SORCS1: variants seen among roughly 807,000 people sequenced by gnomAD.
SORCS1 encodes sortilin related VPS10 domain containing receptor 1.
Under a neutral mutation model 146.1 loss-of-function variants are expected in SORCS1, and 60 were observed. The observed-to-expected ratio is 0.41, with a 90% CI of 0.33 to 0.51. The LOEUF is 0.51. SORCS1 is among the 20% of genes least tolerant of loss of function. SORCS1 has a pLI of 0.21. For missense variants in SORCS1, 1,352 were observed against 1,487.6 expected (o/e 0.91, Z 1.50); for synonymous variants, 637 against 584.0 (o/e 1.09, Z -1.31).
intron 1 of SORCS1, among the ~76,000 whole-genome samples, chr10:107,138,779 T>C (rs1015738491): frequency 3.9e-5 from 6 of 152,204 alleles, no homozygotes; most frequent in African/African-American, 1.4e-4. Flanking sequence ...AAAATGTATG[T>C]GCCAGGCCCC....
intron 1 of SORCS1, among the ~76,000 whole-genome samples, chr10:106,999,731 T>C (rs1163998469): frequency 6.6e-6 from 1 of 152,218 alleles, no homozygotes; most frequent in South Asian, 2.1e-4. Flanking sequence ...CTCCAGATTA[T>C]ACCTCCTTAA....
chr10:106,844,781 T>A (rs1482410285), intron 2 of SORCS1, among the ~76,000 whole-genome samples: 1 of 132,498 alleles, frequency 7.5e-6, no homozygotes, highest in Non-Finnish European at 1.6e-5. Flanking sequence ...CCTTCCTGTG[T>A]CCATGTGATC....
intron 22 of SORCS1, among the ~76,000 whole-genome samples, chr10:106,611,553 A>T (rs935246589): frequency 1.3e-5 from 2 of 152,222 alleles, no homozygotes; most frequent in African/African-American, 4.8e-5. Flanking sequence ...CTTCACTGGC[A>T]GGTACAGTAG....
Position 106,633,495 on chromosome 10 carries a change from C to A in SORCS1, c.2476-4107G>T, listed in dbSNP as rs535896879. ...CTCTTGTAGCTACCATTCTACTCTC[C>A]TATTCTGTAAGATCAACTTAATGAT... On this transcript the variant is annotated intron_variant, in intron 18 of 25. Transcript: ENST00000263054. 1.1e-3 allele frequency among the ~76,000 whole-genome samples: 164 copies of A among 152,246 alleles called. No individual in the cohort carries two copies. The Middle Eastern group carries it at 0.014, about 13-fold the overall frequency.
chr10:106,949,304 T>C (rs1366602550), intron 2 of SORCS1, among the ~76,000 whole-genome samples: 1 of 152,138 alleles, frequency 6.6e-6, no homozygotes, highest in Admixed American at 6.5e-5. Context: ...CTGGATTTGG[T>C]AGCAAAACAT....
intron 3 of SORCS1, among the ~76,000 whole-genome samples, chr10:106,828,360 G>C (rs1216313049): frequency 1.3e-5 from 2 of 152,164 alleles, no homozygotes; most frequent in East Asian, 3.8e-4. Context: ...GGGAGCTTTA[G>C]TAAGATATAG....
intron 18 of SORCS1, among the ~76,000 whole-genome samples, chr10:106,637,265 T>A (rs1371712772): frequency 6.6e-6 from 1 of 152,228 alleles, no homozygotes; most frequent in East Asian, 1.9e-4. Context: ...CCTCTCTGGC[T>A]TCTCTTCCAA....
intron 2 of SORCS1, among the ~76,000 whole-genome samples, chr10:106,876,218 G>A (rs1157622687): frequency 1.3e-5 from 2 of 151,996 alleles, no homozygotes; most frequent in South Asian, 2.1e-4. Context: ...TTGAGGGCGC[G>A]GTTTTTATAA....
At chr10:107,164,924 C>CGCT (rs1969997813), upstream of SORCS1, among the ~76,000 whole-genome samples, 3 of 149,106 alleles carry the variant, frequency 2.0e-5, no homozygotes, top group South Asian at 2.1e-4. The surrounding 1 kb of genome is among the most constrained non-coding windows in gnomAD (Gnocchi z 6.8). Flanking sequence ...GCCTCGCAGG[C>CGCT]GCTGCCGCCG....
intron 2 of SORCS1, among the ~76,000 whole-genome samples, chr10:106,838,309 C>A (rs940083233): frequency 6.6e-6 from 1 of 152,090 alleles, no homozygotes; most frequent in African/African-American, 2.4e-5. Context: ...AGGTCCACAG[C>A]AAAACAGAGT....
chr10:107,154,195 GT>G (rs1189360857), intron 1 of SORCS1, among the ~76,000 whole-genome samples: 8 of 151,780 alleles, frequency 5.3e-5, no homozygotes, highest in African/African-American at 1.7e-4. Context: ...TAGAGATGGG[GT>G]TTCTCCATGT....
chr10:107,114,473 G>A (rs973449618), intron 1 of SORCS1, among the ~76,000 whole-genome samples: 1 of 152,122 alleles, frequency 6.6e-6, no homozygotes, highest in Admixed American at 6.5e-5. Flanking sequence ...ATCAATAAAT[G>A]TGATGCACTA....
intron 2 of SORCS1, among the ~76,000 whole-genome samples, chr10:106,938,550 C>T (rs1953869792): frequency 1.3e-5 from 2 of 152,236 alleles, no homozygotes; most frequent in South Asian, 4.1e-4. Context: ...GCAGTCCAGA[C>T]AGTAGCTGAT....
chr10:107,060,919 C>T lies in SORCS1; in HGVS notation c.558+103050G>A, dbSNP rs72812921. ...CAATAAATGTGTACTGAATGAAGTC[C>T]TCACATTTTCAAATATCTTTTCCCT... On this transcript the variant is annotated intron_variant, in intron 1 of 25. Transcript: ENST00000263054. This position sits in a 1 kb window ranked among gnomAD's most constrained non-coding sequence, Gnocchi z 4.1. Among the ~76,000 whole-genome samples, 1,584 of 152,102 alleles carry T rather than the reference C, an allele frequency of 0.01. 15 individuals are homozygous for T. Among genetic ancestry groups the T allele is most frequent in the South Asian group, 0.028 (135 of 4,806 alleles).
intron 17 of SORCS1, among the ~76,000 whole-genome samples, chr10:106,654,960 G>A (rs908273446): frequency 2.0e-5 from 3 of 151,918 alleles, no homozygotes; most frequent in African/African-American, 4.8e-5. Flanking sequence ...GGGTTCAAGC[G>A]ATTCTCTCGC....
intron 1 of SORCS1, among the ~76,000 whole-genome samples, chr10:107,035,934 C>CAT (rs961412125): frequency 6.7e-5 from 10 of 148,458 alleles, no homozygotes; most frequent in African/African-American, 2.2e-4. Flanking sequence ...ATGTTTATAA[C>CAT]ATATATATAA....
intron 2 of SORCS1, among the ~76,000 whole-genome samples, chr10:106,938,286 T>C (rs1331620756): frequency 6.6e-6 from 1 of 152,202 alleles, no homozygotes; most frequent in East Asian, 1.9e-4. Context: ...TTTGTCATTA[T>C]ACACTGGCTT....
At chr10:106,975,961 A>G (rs1306712899) in intron 1 of SORCS1, among the ~76,000 whole-genome samples, 2 of 152,116 alleles carry the variant, frequency 1.3e-5, no homozygotes, top group African/African-American at 4.8e-5. Flanking sequence ...CAGCCTGGCC[A>G]ACGTGGTGAA....
chr10:106,946,323 T>C (rs1249246657), intron 2 of SORCS1, among the ~76,000 whole-genome samples: 1 of 152,238 alleles, frequency 6.6e-6, no homozygotes, highest in Non-Finnish European at 1.5e-5. Flanking sequence ...TAGTATGTGA[T>C]ATGGTTTGGC....
Sources: allele counts gnomAD v4.1 joint callset (sites outside exome capture counted in the v4.1 genomes callset), GRCh38; gene constraint gnomAD v4.1.1; non-coding constraint Gnocchi (gnomAD v3.1); transcripts MANE v1.5; gene names NCBI Gene and HGNC (gene_info 2026-07-23, HGNC 2026-07-21).